SKAP1: variants seen among roughly 807,000 people sequenced by gnomAD.
SKAP1 encodes src kinase associated phosphoprotein 1.
Under a neutral mutation model 58.5 loss-of-function variants are expected in SKAP1, and 44 were observed. The observed-to-expected ratio is 0.75, with a 90% CI of 0.59 to 0.97. The LOEUF is 0.97. Among genes scored for constraint, SKAP1 ranks in the 50% least tolerant of loss-of-function variants. The pLI, the probability that SKAP1 is intolerant of heterozygous loss-of-function variation, is 0.00. For missense variants in SKAP1, 390 were observed against 435.2 expected, an observed-to-expected ratio of 0.90 and a Z score of 0.92; for synonymous variants, 127 against 149.7, an observed-to-expected ratio of 0.85 and a Z score of 1.11.
intron 4 of SKAP1, among the ~76,000 whole-genome samples, chr17:48,242,708 T>C (rs1036747658): frequency 1.3e-5 from 2 of 152,184 alleles, no homozygotes; most frequent in African/African-American, 4.8e-5. Flanking sequence ...GTTTGAACCA[T>C]TTGATGGTGT....
At chr17:48,366,883 C>T (rs1376200993) in intron 2 of SKAP1, among the ~76,000 whole-genome samples, 2 of 152,090 alleles carry the variant, frequency 1.3e-5, no homozygotes, top group African/African-American at 4.8e-5. Flanking sequence ...CTCTTCTTTC[C>T]AAAATATTGA....
At chr17:48,201,379 C>T (rs547196710) in intron 4 of SKAP1, among the ~76,000 whole-genome samples, 166 of 149,328 alleles carry the variant, frequency 1.1e-3, no homozygotes, top group South Asian at 1.9e-3. Flanking sequence ...TCCTTCTTTC[C>T]TCTCTCTCTC....
chr17:48,145,541 T>C (rs1250196588), intron 11 of SKAP1, among the ~76,000 whole-genome samples: 1 of 152,096 alleles, frequency 6.6e-6, no homozygotes, highest in Non-Finnish European at 1.5e-5. Context: ...TGGTTTCCTA[T>C]TGCTGTTTAT....
At chr17:48,256,175 A>ATGTG (rs35261737) in intron 4 of SKAP1, among the ~76,000 whole-genome samples, 3,271 of 149,842 alleles carry the variant, frequency 0.022, 104 homozygotes, top group African/African-American at 0.073. Flanking sequence ...GTTTACCAAA[A>ATGTG]TGTGTGTGTG....
intron 2 of SKAP1, among the ~76,000 whole-genome samples, chr17:48,373,585 C>A (rs1240949547): frequency 1.3e-5 from 2 of 152,164 alleles, no homozygotes; most frequent in Non-Finnish European, 2.9e-5. Flanking sequence ...CATGAATCAA[C>A]CCTAATATGA....
At chr17:48,441,519 T>C in the SKAP1 span, among the ~76,000 whole-genome samples, 62 of 152,298 alleles carry the variant, frequency 4.1e-4, no homozygotes, top group African/African-American at 1.4e-3. Flanking sequence ...CTACAGATAA[T>C]AGCTTTACCA....
the SKAP1 span, among the ~76,000 whole-genome samples, chr17:48,445,026 A>G: frequency 1.3e-5 from 2 of 152,294 alleles, no homozygotes; most frequent in South Asian, 4.1e-4. Context: ...GGCAATCGAC[A>G]GGAGAAGCAG....
intron 3 of SKAP1, among the ~76,000 whole-genome samples, chr17:48,349,206 A>G (rs1467720538): frequency 6.6e-6 from 1 of 152,190 alleles, no homozygotes; most frequent in Non-Finnish European, 1.5e-5. Flanking sequence ...TAAGAACATC[A>G]TTTTTCTTTA....
At chr17:48,388,358 C>T (rs534176648) in intron 2 of SKAP1, among the ~76,000 whole-genome samples, 16 of 152,072 alleles carry the variant, frequency 1.1e-4, no homozygotes, top group Admixed American at 2.6e-4. Context: ...CACTTGAACC[C>T]GGGAGGCAGA....
rs530023490 is a variant in SKAP1 at position 48,200,039 on chromosome 17, C to G, written c.281-10539G>C. Among the ~76,000 whole-genome samples the G allele has an allele frequency of 2.3e-3, 350 of 149,302 alleles. 3 individuals carry two copies. The highest frequency in any genetic ancestry group is 6.8e-3 in the Middle Eastern group (2 of 294). On this transcript the variant is annotated intron_variant, in intron 4 of 12. Transcript: ENST00000336915. Reference sequence around the variant, plus strand: ...GCGCGGTGGCTTATGCCTGTAATCTCAGCACTTTGGGAGGCCGAGGTGGGC... The same window carrying G: ...GCGCGGTGGCTTATGCCTGTAATCTGAGCACTTTGGGAGGCCGAGGTGGGC...
At chr17:48,306,246 G>A (rs2066140628) in intron 4 of SKAP1, among the ~76,000 whole-genome samples, 1 of 152,120 alleles carries the variant, frequency 6.6e-6, no homozygotes, top group African/African-American at 2.4e-5. Flanking sequence ...GTTATTCCCA[G>A]TATAACATAT....
intron 11 of SKAP1, among the ~76,000 whole-genome samples, chr17:48,158,483 GC>G (rs1360504333): frequency 7.1e-6 from 1 of 141,470 alleles, no homozygotes; most frequent in East Asian, 2.2e-4. Flanking sequence ...CAGGAGAATG[GC>G]GTGAACCCAG....
At chr17:48,367,872 G>A (rs769457740) in intron 2 of SKAP1, among the ~76,000 whole-genome samples, 4 of 149,714 alleles carry the variant, frequency 2.7e-5, no homozygotes, top group Non-Finnish European at 4.4e-5. Context: ...CTGTGATCAC[G>A]CCACTGGACT....
upstream of SKAP1, among the ~76,000 whole-genome samples, chr17:48,434,849 T>A (rs977984310): frequency 3.3e-5 from 5 of 152,144 alleles, 1 homozygote; most frequent in Admixed American, 2.6e-4. Flanking sequence ...CCCTCCTCCA[T>A]CTAAATAGTA....
intron 5 of SKAP1, 126 bp downstream of exon 5, chr17:48,189,297 G>A (rs1449903965): frequency 2.8e-6 from 2 of 704,856 alleles, no homozygotes; most frequent in Non-Finnish European, 4.7e-6. Context: ...TCCTTGCTTT[G>A]CTTTTGCCTT....
chr17:48,286,314 T>C (rs918865914), intron 4 of SKAP1, among the ~76,000 whole-genome samples: 2 of 152,204 alleles, frequency 1.3e-5, no homozygotes, highest in African/African-American at 4.8e-5. Flanking sequence ...CTGGAATATA[T>C]AACAAGATTT....
chr17:48,388,436 GAAAC>G (rs550000856), intron 2 of SKAP1, among the ~76,000 whole-genome samples: 19 of 151,756 alleles, frequency 1.3e-4, no homozygotes, highest in African/African-American at 3.4e-4. Context: ...TCTGTCTCAG[GAAAC>G]AAACAAACAA....
chr17:48,430,220 AGCCGCGGTCGCCGCCCGCCCAGCCCG>A (rs1490868753), upstream of SKAP1: 7 of 813,178 alleles, frequency 8.6e-6, no homozygotes, highest in Non-Finnish European at 1.1e-5. Context: ...CCTGTACCTC[AGCCGCGGTCGCCGCCCGCCCAGCCCG>A]GCCGCGGGGC....
chr17:48,392,014 T>C (rs1334732171), intron 2 of SKAP1, among the ~76,000 whole-genome samples: 1 of 152,202 alleles, frequency 6.6e-6, no homozygotes, highest in African/African-American at 2.4e-5. Flanking sequence ...AAACTCTCTA[T>C]ATAATTAATG....
Sources: allele counts gnomAD v4.1 joint callset (sites outside exome capture counted in the v4.1 genomes callset), GRCh38; gene constraint gnomAD v4.1.1; transcripts MANE v1.5; gene names NCBI Gene and HGNC (gene_info 2026-07-23, HGNC 2026-07-21).